The following CSRNP3 variants were observed in gnomAD, a reference collection of about 807,000 sequenced individuals.
CSRNP3 encodes the protein cysteine and serine rich nuclear protein 3.
CSRNP3 carries 12 observed loss-of-function variants against 48.0 expected under a neutral mutation model. The observed-to-expected ratio is 0.25, with a 90% confidence interval of 0.16 to 0.41. The LOEUF is 0.41. Among genes scored for constraint, CSRNP3 ranks in the 10% least tolerant of loss-of-function variants. CSRNP3 has a pLI of 1.00. For synonymous variants in CSRNP3, 263 were observed against 269.7 expected (o/e 0.98, Z 0.24); for missense variants, 580 against 724.4 (o/e 0.80, Z 2.29).
chr2:165,543,792 A>G (rs1226331499), intron 3 of CSRNP3, among the ~76,000 whole-genome samples: 1 of 152,110 alleles, frequency 6.6e-6, no homozygotes, highest in African/African-American at 2.4e-5. Flanking sequence ...CAAAGGATTT[A>G]GCTTATTTTG....
At chr2:165,476,011 T>C (rs1683958193) in intron 1 of CSRNP3, among the ~76,000 whole-genome samples, 1 of 152,200 alleles carries the variant, frequency 6.6e-6, no homozygotes, top group Admixed American at 6.5e-5. Context: ...CTGTAATTGT[T>C]ATATTAATAT....
intron 3 of CSRNP3, among the ~76,000 whole-genome samples, chr2:165,527,866 G>A (rs1684758702): frequency 6.6e-6 from 1 of 151,160 alleles, no homozygotes; most frequent in South Asian, 2.1e-4. Flanking sequence ...CAAGACCCCA[G>A]TAGAAAAATG....
intron 3 of CSRNP3, among the ~76,000 whole-genome samples, chr2:165,553,363 G>T (rs1685122630): frequency 6.6e-6 from 1 of 151,922 alleles, no homozygotes; most frequent in Non-Finnish European, 1.5e-5. Flanking sequence ...AATTCCCTTT[G>T]CCCATCTCTC....
chr2:165,611,226 T>C (rs1197570238), intron 4 of CSRNP3, among the ~76,000 whole-genome samples: 2 of 151,984 alleles, frequency 1.3e-5, no homozygotes, highest in Non-Finnish European at 2.9e-5. Flanking sequence ...CAAGGGGAAG[T>C]ATTGCAGAAT....
At chr2:165,554,905 G>A (rs184169048) in intron 3 of CSRNP3, among the ~76,000 whole-genome samples, 4 of 152,130 alleles carry the variant, frequency 2.6e-5, no homozygotes, top group Admixed American at 6.5e-5. Context: ...TCACTTCCCC[G>A]ATCACATCAC....
intron 4 of CSRNP3, among the ~76,000 whole-genome samples, chr2:165,608,926 T>TAAAA (rs1424072156): frequency 1.5e-4 from 5 of 34,118 alleles, no homozygotes; most frequent in African/African-American, 5.2e-4. Context: ...CCGTCTCTAC[T>TAAAA]AAAAATACAA....
chr2:165,630,677 A>T (rs757459476), intron 4 of CSRNP3, among the ~76,000 whole-genome samples: 8 of 152,206 alleles, frequency 5.3e-5, no homozygotes, highest in Non-Finnish European at 7.3e-5. Context: ...CCATACATGG[A>T]TATATCTCTT....
At chr2:165,668,540 T>C (rs1329623394) in intron 5 of CSRNP3, among the ~76,000 whole-genome samples, 4 of 151,858 alleles carry the variant, frequency 2.6e-5, no homozygotes, top group African/African-American at 9.7e-5. Flanking sequence ...TACCTGGGAC[T>C]GCAGGTGCCT....
At chr2:165,475,868 G>A (rs562142237) in intron 1 of CSRNP3, among the ~76,000 whole-genome samples, 2 of 152,068 alleles carry the variant, frequency 1.3e-5, no homozygotes, top group Non-Finnish European at 2.9e-5. Context: ...ACATTAACGG[G>A]ATTTTATCTG....
At chr2:165,574,130 G>T in intron 3 of CSRNP3, 1 of 491,544 alleles carries the variant, frequency 2.0e-6, no homozygotes, top group South Asian at 3.4e-5. Flanking sequence ...CGTGATTCAG[G>T]TAGCCTGGCA....
Position 165,684,404 on chromosome 2 carries a change from T to TG in CSRNP3, c.*4652dup, listed in dbSNP as rs1329106149. 5 of 152,102 alleles carry TG rather than the reference T, an allele frequency of 3.3e-5. No homozygotes were observed. The highest frequency in any genetic ancestry group is 7.4e-5 in the Non-Finnish European group (5 of 67,998). 9.4% of individuals were successfully genotyped at this position (152,102 alleles called of 1,614,324 possible). A position where few individuals can be genotyped will look rare whatever the true frequency, so the allele number is the denominator to read the frequency against. ...ATGGCATCTCTGTTCCTTATTCTCT[T>TG]GATGACAGTTTGCAGTGCCATTATA... On this transcript the variant is annotated 3_prime_UTR_variant, in exon 7 of 7. Transcript: ENST00000651982.
In CSRNP3 at chr2:165,685,449, C is replaced by T. The variant is rs1687615475; in HGVS notation, c.*5696C>T. On this transcript the variant is annotated 3_prime_UTR_variant, in exon 7 of 7. Coordinates refer to ENST00000651982, the MANE Select transcript of CSRNP3 (RefSeq NM_001172173.2). ...TTTCCTATCCTGAGAGTGGTAATGC[C>T]AGTAGAATGATGGGAACCAGGAGAG... The T allele has an allele frequency of 6.6e-6, 1 of 151,960 alleles. No individual in the cohort carries two copies. Among genetic ancestry groups the T allele is most frequent in the Non-Finnish European group, 1.5e-5 (1 of 67,966 alleles). The allele number at this position is 151,960 out of a possible 1,614,324, so 9.4% of individuals were successfully genotyped here.
chr2:165,504,083 T>G (rs1262808355), intron 2 of CSRNP3, among the ~76,000 whole-genome samples: 1 of 152,012 alleles, frequency 6.6e-6, no homozygotes, highest in Non-Finnish European at 1.5e-5. Flanking sequence ...TGTAAATTAA[T>G]TTATTTAATT....
At chr2:165,661,160 G>A (rs1447318529) in intron 5 of CSRNP3, among the ~76,000 whole-genome samples, 1 of 152,082 alleles carries the variant, frequency 6.6e-6, no homozygotes. Context: ...ATTTCACTCT[G>A]ATACTTGAAA....
intron 3 of CSRNP3, among the ~76,000 whole-genome samples, chr2:165,541,132 C>T (rs965590363): frequency 3.3e-5 from 5 of 151,698 alleles, no homozygotes; most frequent in Non-Finnish European, 2.9e-5. Context: ...GTTTGTAGTT[C>T]GAATTCTAGC....
intron 4 of CSRNP3, among the ~76,000 whole-genome samples, chr2:165,623,977 C>T (rs1156648898): frequency 2.0e-5 from 3 of 152,100 alleles, no homozygotes. Context: ...AGTCTATTAG[C>T]CTCATTTTTC....
chr2:165,484,303 G>C (rs1032982098), intron 1 of CSRNP3, among the ~76,000 whole-genome samples: 2 of 152,070 alleles, frequency 1.3e-5, no homozygotes, highest in Admixed American at 6.6e-5. Context: ...GTGTTGGCCA[G>C]GCTGGTCTCA....
Position 165,679,790 on chromosome 2 carries a change from T to A in CSRNP3, c.*37T>A, listed in dbSNP as rs762387985. ...ATTCTAGGACCAACTCTTCTCTTATTTAAGGCACTGTATTTAATTGGATTT... is the reference window on the plus strand; with the variant it reads ...ATTCTAGGACCAACTCTTCTCTTATATAAGGCACTGTATTTAATTGGATTT... On this transcript the variant is annotated 3_prime_UTR_variant, in exon 7 of 7. Coordinates refer to ENST00000651982, the MANE Select transcript of CSRNP3 (RefSeq NM_001172173.2). 1.3e-6 allele frequency: 2 copies of A among 1,576,840 alleles called. No individual in the cohort carries two copies. Among genetic ancestry groups the A allele is most frequent in the Non-Finnish European group, 1.7e-6 (2 of 1,160,926 alleles).
rs192310081 is a variant in CSRNP3 at position 165,511,535 on chromosome 2, A to G, written c.-112-6338A>G. 6.6e-5 allele frequency among the ~76,000 whole-genome samples: 10 copies of G among 152,286 alleles called. No homozygotes were observed. In the East Asian group the frequency reaches 1.7e-3, roughly 27 times the overall value. On this transcript the variant is annotated intron_variant, in intron 2 of 6. Coordinates refer to ENST00000651982, the MANE Select transcript of CSRNP3 (RefSeq NM_001172173.2). ...AGGAGAAGGATGTTTCTTCATCATA[A>G]CATGATTGAAGACAGACTACATGAT... is the stretch of plus-strand genomic sequence containing the variant.
Sources: gnomAD v4.1 joint callset for allele counts (sites outside exome capture counted in the v4.1 genomes callset) on GRCh38, gnomAD v4.1.1 for gene constraint, MANE v1.5 for transcripts, NCBI Gene and HGNC (gene_info 2026-07-23, HGNC 2026-07-21) for gene names.